NFIA: variants seen among roughly 807,000 people sequenced by gnomAD.
The protein encoded by NFIA is nuclear factor 1 A-type.
Under a neutral mutation model 62.8 loss-of-function variants are expected in NFIA, and 8 were observed. The observed-to-expected ratio is 0.13, with a 90% CI of 0.07 to 0.23. NFIA has a LOEUF of 0.23. Among genes scored for constraint, NFIA ranks in the 10% least tolerant of loss-of-function variants. The pLI, the probability that NFIA is intolerant of heterozygous loss-of-function variation, is 1.00. For synonymous variants in NFIA, 235 were observed against 238.1 expected, an observed-to-expected ratio of 0.99 and a Z score of 0.12; for missense variants, 410 against 642.1, an observed-to-expected ratio of 0.64 and a Z score of 3.91.
intron 3 of NFIA, among the ~76,000 whole-genome samples, chr1:61,293,476 G>T (rs1043503778): frequency 6.6e-6 from 1 of 152,188 alleles, no homozygotes; most frequent in Non-Finnish European, 1.5e-5. Context: ...TTTCAAATAC[G>T]CCAGTCATAT....
intron 4 of NFIA, among the ~76,000 whole-genome samples, chr1:61,348,365 T>G (rs1662360166): frequency 1.3e-5 from 2 of 152,224 alleles, no homozygotes; most frequent in South Asian, 4.1e-4. Context: ...AAACCCATTC[T>G]CATTTCAGAA....
At chr1:61,238,494 A>C (rs10399891) in intron 2 of NFIA, among the ~76,000 whole-genome samples, 1,591 of 152,266 alleles carry the variant, frequency 0.01, 32 homozygotes, top group African/African-American at 0.036. Context: ...TTCTGTCAAG[A>C]AACTGCATTT....
At chr1:61,428,040 A>G (rs1666945136) in intron 10 of NFIA, among the ~76,000 whole-genome samples, 1 of 152,154 alleles carries the variant, frequency 6.6e-6, no homozygotes. Context: ...GTGGCTCTAT[A>G]TTGGATGATT....
intron 2 of NFIA, among the ~76,000 whole-genome samples, chr1:61,228,004 C>T (rs996080915): frequency 1.3e-5 from 2 of 152,164 alleles, no homozygotes; most frequent in African/African-American, 2.4e-5. Context: ...TCCCTCTTCC[C>T]GGCTCAATGA....
upstream of NFIA, chr1:61,082,521 A>T (rs1646124272): frequency 7.7e-7 from 1 of 1,299,446 alleles, no homozygotes; most frequent in South Asian, 1.9e-5. Flanking sequence ...ACACCCGCGT[A>T]CAGTAGGCAT....
At chr1:61,149,142 C>A (rs1648226693) in intron 2 of NFIA, among the ~76,000 whole-genome samples, 4 of 151,078 alleles carry the variant, frequency 2.6e-5, no homozygotes, top group African/African-American at 9.8e-5. Context: ...GCAGTCTTCT[C>A]ACCCTAGGCC....
chr1:61,246,919 T>C (rs531614067), intron 2 of NFIA, among the ~76,000 whole-genome samples: 3 of 152,298 alleles, frequency 2.0e-5, no homozygotes, highest in South Asian at 4.1e-4. Context: ...GCCAGTGTCT[T>C]GGATGCTCAA....
intron 10 of NFIA, among the ~76,000 whole-genome samples, chr1:61,429,860 A>G (rs1667027375): frequency 6.6e-6 from 1 of 152,224 alleles, no homozygotes; most frequent in African/African-American, 2.4e-5. Context: ...TGAGGTACCT[A>G]GAGTAGTCAA....
At chr1:61,354,460 C>CAT (rs1662723157) in intron 5 of NFIA, among the ~76,000 whole-genome samples, 1 of 152,068 alleles carries the variant, frequency 6.6e-6, no homozygotes, top group Non-Finnish European at 1.5e-5. Flanking sequence ...TGGCAGGCAC[C>CAT]ATATTAGGTG....
At chr1:61,176,929 C>T (rs962430042) in intron 2 of NFIA, among the ~76,000 whole-genome samples, 1 of 151,848 alleles carries the variant, frequency 6.6e-6, no homozygotes, top group African/African-American at 2.4e-5. Flanking sequence ...ACAGTGAAAC[C>T]CCGTCTCTAC....
rs116004883 is a variant in NFIA at position 61,426,362 on chromosome 1, C to T, written c.1421-103C>T. 8.2e-5 allele frequency: 64 copies of T among 778,324 alleles called. No individual in the cohort carries two copies. The African/African-American group carries it at 9.6e-4, about 12-fold the overall frequency. 48.2% of individuals were successfully genotyped at this position (778,324 alleles called of 1,614,324 possible). On this transcript the variant is annotated intron_variant, in intron 9 of 10. Transcript: ENST00000403491. ...GCTAGCTACAGTGTTTGCACATTTC[C>T]TTGTTAATCAGCTGCGTCGGCTCGG...
At chr1:61,156,160 A>G (rs1022897196) in intron 2 of NFIA, among the ~76,000 whole-genome samples, 1 of 152,206 alleles carries the variant, frequency 6.6e-6, no homozygotes, top group Non-Finnish European at 1.5e-5. Context: ...AACCCTTGAG[A>G]AAACTTTAAA....
intron 2 of NFIA, among the ~76,000 whole-genome samples, chr1:61,119,478 A>G (rs2100467465): frequency 6.6e-6 from 1 of 152,354 alleles, no homozygotes; most frequent in Admixed American, 6.5e-5. Flanking sequence ...ATGGAAATGT[A>G]AGCTAAGGAT....
intron 2 of NFIA, among the ~76,000 whole-genome samples, chr1:61,249,563 G>A (rs1479474110): frequency 1.3e-5 from 2 of 152,204 alleles, no homozygotes; most frequent in East Asian, 3.9e-4. Context: ...CACTTTCGGA[G>A]GCCGAGGCGG....
At chr1:61,077,619 C>A (rs1646047760), upstream of NFIA, 1 of 1,422,034 alleles carries the variant, frequency 7.0e-7, no homozygotes, top group African/African-American at 1.4e-5. Flanking sequence ...ACTCTTTTTA[C>A]ATTGCAATGG....
intron 2 of NFIA, among the ~76,000 whole-genome samples, chr1:61,131,308 TTAA>T (rs1057003899): frequency 5.3e-5 from 8 of 152,186 alleles, no homozygotes; most frequent in Admixed American, 2.0e-4. Flanking sequence ...AAAAGATCAA[TTAA>T]TGTTATAATT....
At chr1:61,153,322 T>A (rs900941866) in intron 2 of NFIA, among the ~76,000 whole-genome samples, 1 of 152,246 alleles carries the variant, frequency 6.6e-6, no homozygotes, top group African/African-American at 2.4e-5. Context: ...TGATTCCTTG[T>A]AATTATTGAT....
chr1:61,407,307 G>T (rs544679746), intron 9 of NFIA, among the ~76,000 whole-genome samples: 1 of 152,106 alleles, frequency 6.6e-6, no homozygotes. Context: ...GCTGGGGTAC[G>T]GAGATAGAGG....
intron 2 of NFIA, among the ~76,000 whole-genome samples, chr1:61,117,754 A>G (rs1387639061): frequency 6.6e-6 from 1 of 152,222 alleles, no homozygotes; most frequent in Non-Finnish European, 1.5e-5. Context: ...TTTATTGAGC[A>G]CCTGCTGGGT....
Sources: allele counts gnomAD v4.1 joint callset (sites outside exome capture counted in the v4.1 genomes callset), GRCh38; gene constraint gnomAD v4.1.1; transcripts MANE v1.5; gene names NCBI Gene and HGNC (gene_info 2026-07-23, HGNC 2026-07-21).